The following PCDH11X variants were observed in gnomAD, a reference collection of about 807,000 sequenced individuals.
The protein encoded by PCDH11X is protocadherin 11 X-linked, also known as protocadherin-11 X-linked.
In PCDH11X, 18 loss-of-function variants were observed where a neutral mutation model predicts 53.3. The observed-to-expected ratio is 0.34, with a 90% CI of 0.23 to 0.50. The LOEUF (loss-of-function observed/expected upper bound fraction) is 0.50. Among genes scored for constraint, PCDH11X ranks in the 20% least tolerant of loss-of-function variants. The pLI, the probability that PCDH11X is intolerant of heterozygous loss-of-function variation, is 0.98. For missense variants in PCDH11X, 570 were observed against 1,032.4 expected (o/e 0.55, Z 6.14); for synonymous variants, 279 against 393.3 (o/e 0.71, Z 3.44).
chrX:92,329,188 A>T (rs924488037), intron 8 of PCDH11X, among the ~76,000 whole-genome samples: 1 of 111,846 alleles, frequency 8.9e-6, no homozygotes, highest in Admixed American at 9.5e-5. Context: ...GAAAAATCAT[A>T]TAAGTATCTC....
intron 8 of PCDH11X, among the ~76,000 whole-genome samples, chrX:92,357,053 G>C (rs1457040528): frequency 2.7e-5 from 3 of 110,640 alleles, no homozygotes; most frequent in African/African-American, 9.9e-5. Flanking sequence ...AAAAATTCAC[G>C]TCTATTCTCA....
intron 6 of PCDH11X, among the ~76,000 whole-genome samples, chrX:91,953,505 C>G (rs1293243371): frequency 1.8e-5 from 2 of 109,963 alleles, no homozygotes; most frequent in Non-Finnish European, 3.8e-5. Flanking sequence ...TATTTAGAAG[C>G]AAGTTGGCAC....
intron 10 of PCDH11X, among the ~76,000 whole-genome samples, chrX:92,540,820 C>G (rs1178472506): frequency 4.6e-5 from 5 of 107,800 alleles, no homozygotes; most frequent in African/African-American, 6.8e-5. Context: ...GGGTCTGCCT[C>G]TAGCCCAGGT....
intron 8 of PCDH11X, among the ~76,000 whole-genome samples, chrX:92,330,088 T>C (rs2069427590): frequency 9.0e-6 from 1 of 110,542 alleles, no homozygotes; most frequent in Admixed American, 9.7e-5. Context: ...AAATATCTCA[T>C]GTAACCCATA....
intron 10 of PCDH11X, among the ~76,000 whole-genome samples, chrX:92,484,143 ATATATATG>A (rs1195188913): frequency 0.073 from 3,186 of 43,523 alleles, 152 homozygotes; most frequent in African/African-American, 0.21. Context: ...ATATGTATGT[ATATATATG>A]TATATATGTA....
intron 4 of PCDH11X, among the ~76,000 whole-genome samples, chrX:91,828,308 G>A (rs7887106): frequency 0.12 from 12,622 of 108,647 alleles, 1,940 homozygotes; most frequent in African/African-American, 0.4. Flanking sequence ...TTTTAGTAGA[G>A]ACGGGGTTTC....
intron 6 of PCDH11X, among the ~76,000 whole-genome samples, chrX:92,164,314 A>C (rs1305562936): frequency 2.7e-5 from 3 of 112,383 alleles, no homozygotes; most frequent in African/African-American, 9.7e-5. Context: ...TGCTGATATA[A>C]AGAGGGTGAA....
In PCDH11X at chrX:91,835,514, T is replaced by C. The variant is rs138926050; in HGVS notation, c.10T>C (p.Leu4=). Residue 4 remains leucine (L), a synonymous_variant, in exon 5 of 11, where the codon TTG becomes CTG. Coordinates refer to ENST00000682573, the MANE Select transcript of PCDH11X (RefSeq NM_032968.5). MDL[L]SGTYIFAVLL... ...AACAAGTGTACCTGGTATGGACTTG[T>C]TGTCCGGGACGTACATTTTCGCGGT... is the stretch of plus-strand genomic sequence containing the variant. 1.0e-3 allele frequency: 1,231 copies of C among 1,209,426 alleles called. 11 individuals carry two copies. The African/African-American group carries it at 0.019, about 19-fold the overall frequency.
At chrX:92,407,867 T>G (rs926610369) in intron 9 of PCDH11X, among the ~76,000 whole-genome samples, 2 of 107,637 alleles carry the variant, frequency 1.9e-5, no homozygotes, top group African/African-American at 7.2e-5. Context: ...TATTAAAGTG[T>G]TTTTTTTTGT....
At chrX:92,534,599 A>G (rs1466979699) in intron 10 of PCDH11X, among the ~76,000 whole-genome samples, 27 of 98,217 alleles carry the variant, frequency 2.7e-4, no homozygotes, top group African/African-American at 5.2e-4. Flanking sequence ...AAGACACATA[A>G]TTGTCAGATT....
In PCDH11X at chrX:91,907,556, A is replaced by G. The variant is rs1941228042; in HGVS notation, c.3033+28283A>G. On this transcript the variant is annotated intron_variant, in intron 6 of 10. Coordinates refer to ENST00000682573, the MANE Select transcript of PCDH11X (RefSeq NM_032968.5). ...AAAAATCAATTTTAATATATTGCCA[A>G]TGTCAAGGACAGCCATATATACTTT... is the stretch of plus-strand genomic sequence containing the variant. Among the ~76,000 whole-genome samples, 3 of 108,354 alleles carry G rather than the reference A, an allele frequency of 2.8e-5. No individual in the cohort carries two copies. In the Admixed American group the frequency reaches 3.0e-4, roughly 11 times the overall value. The allele number at this position is 108,354 out of a possible 115,157, so 94.1% of individuals were successfully genotyped here.
chrX:92,093,298 C>T (rs192845437), intron 6 of PCDH11X, among the ~76,000 whole-genome samples: 1 of 111,421 alleles, frequency 9.0e-6, no homozygotes, highest in Non-Finnish European at 1.9e-5. Flanking sequence ...GAGGAATATA[C>T]TCGAGAATGT....
intron 1 of PCDH11X, among the ~76,000 whole-genome samples, chrX:91,800,571 C>T (rs1372069399): frequency 4.6e-5 from 5 of 109,881 alleles, no homozygotes; most frequent in Non-Finnish European, 9.5e-5. Context: ...TTGGAACAAA[C>T]ATGATACATA....
rs912573874 is a variant in PCDH11X, at chrX:92,282,460, T to C, written c.3144+19317T>C. ...GGACTGAAAGATAAAATGATTCAGT[T>C]CATTGAAAAGCCTATATCGTTCAGC... is the stretch of plus-strand genomic sequence containing the variant. On this transcript the variant is annotated intron_variant, in intron 8 of 10. Coordinates refer to ENST00000682573, the MANE Select transcript of PCDH11X (RefSeq NM_032968.5). Among the ~76,000 whole-genome samples the C allele has an allele frequency of 9.8e-5, 11 of 111,732 alleles. 1 individual carries two copies.
intron 8 of PCDH11X, among the ~76,000 whole-genome samples, chrX:92,265,139 A>AG (rs2067800820): frequency 9.1e-6 from 1 of 109,402 alleles, no homozygotes; most frequent in African/African-American, 3.3e-5. Flanking sequence ...GATGGATCAC[A>AG]GCTCACTGCA....
chrX:92,554,179 C>G (rs1482118902), intron 10 of PCDH11X, among the ~76,000 whole-genome samples: 1 of 97,709 alleles, frequency 1.0e-5, no homozygotes, highest in African/African-American at 3.7e-5. Flanking sequence ...TCAAAACATA[C>G]TATTTATTGT....
chrX:92,444,574 G>A (rs1306623348), intron 9 of PCDH11X, among the ~76,000 whole-genome samples: 1 of 108,977 alleles, frequency 9.2e-6, no homozygotes, highest in Non-Finnish European at 1.9e-5. Context: ...CTGATACTAT[G>A]TTGTATAACA....
intron 6 of PCDH11X, among the ~76,000 whole-genome samples, chrX:92,037,627 T>A (rs1221254959): frequency 4.5e-5 from 5 of 110,622 alleles, no homozygotes; most frequent in Non-Finnish European, 7.5e-5. Context: ...CCACACTATC[T>A]TCCACAATTG....
chrX:92,116,583 T>G (rs2064642578), intron 6 of PCDH11X, among the ~76,000 whole-genome samples: 1 of 112,274 alleles, frequency 8.9e-6, no homozygotes, highest in Admixed American at 9.5e-5. Flanking sequence ...TTTATTGATT[T>G]ATTTATCTAT....
Sources: allele counts gnomAD v4.1 joint callset (sites outside exome capture counted in the v4.1 genomes callset), GRCh38; gene constraint gnomAD v4.1.1; transcripts MANE v1.5; gene names NCBI Gene and HGNC (gene_info 2026-07-23, HGNC 2026-07-21).